SORCS2: variants seen among roughly 807,000 people sequenced by gnomAD.
SORCS2 encodes the protein sortilin related VPS10 domain containing receptor 2, also known as VPS10 domain-containing receptor SorCS2.
SORCS2 carries 100 observed loss-of-function variants against 141.6 expected under a neutral mutation model. That is an observed-to-expected ratio of 0.71 (90% confidence interval 0.60 to 0.83). The LOEUF (loss-of-function observed/expected upper bound fraction) is 0.83, where lower values mean the gene tolerates loss of function less well. SORCS2 is among the 40% of genes least tolerant of loss of function. The pLI, the probability that SORCS2 is intolerant of heterozygous loss-of-function variation, is 0.00. For synonymous variants in SORCS2, 789 were observed against 676.9 expected (o/e 1.17, Z -2.57); for missense variants, 1,646 against 1,560.2 (o/e 1.05, Z -0.93).
At chr4:7,632,551 G>A (rs933948247) in intron 3 of SORCS2, among the ~76,000 whole-genome samples, 11 of 152,114 alleles carry the variant, frequency 7.2e-5, no homozygotes, top group African/African-American at 2.7e-4. Context: ...CAGATTGCTG[G>A]GCCCCAGGTT....
intron 1 of SORCS2, among the ~76,000 whole-genome samples, chr4:7,312,945 G>A (rs1718284846): frequency 1.3e-5 from 2 of 152,248 alleles, no homozygotes; most frequent in Non-Finnish European, 1.5e-5. Context: ...GCTGAGCAGC[G>A]ACTGTCCTGA....
At chr4:7,630,521 C>T (rs1373448285) in intron 3 of SORCS2, among the ~76,000 whole-genome samples, 2 of 152,212 alleles carry the variant, frequency 1.3e-5, no homozygotes, top group Non-Finnish European at 2.9e-5. Flanking sequence ...GACTCTGTAT[C>T]CTGGGACCTC....
intron 10 of SORCS2, among the ~76,000 whole-genome samples, chr4:7,687,444 A>G (rs763337770): frequency 2.0e-5 from 3 of 152,182 alleles, no homozygotes; most frequent in Non-Finnish European, 4.4e-5. Flanking sequence ...AATCTATTGC[A>G]GCGGGCAACG....
At chr4:7,409,352 G>C (rs112095383) in intron 2 of SORCS2, among the ~76,000 whole-genome samples, 13 of 152,274 alleles carry the variant, frequency 8.5e-5, no homozygotes, top group African/African-American at 2.6e-4. Flanking sequence ...GGTAGTGTGG[G>C]GATGGCAGCC....
chr4:7,723,691 C>G lies in SORCS2; in HGVS notation c.2425-6C>G, dbSNP rs760752546. 5 of 1,613,748 alleles carry G rather than the reference C, an allele frequency of 3.1e-6. No homozygotes were observed. In the East Asian group the frequency reaches 1.1e-4, roughly 36 times the overall value. ...TCCTGAGTGGCCACATGGTGTTTCT[C>G]TGCAGGGTGATGTCCTGACTACCAA... On this transcript the variant is annotated splice_polypyrimidine_tract_variant and splice_region_variant and intron_variant, in intron 18 of 26. Transcript: ENST00000507866.
At chr4:7,285,089 G>A (rs994184282) in intron 1 of SORCS2, among the ~76,000 whole-genome samples, 7 of 151,150 alleles carry the variant, frequency 4.6e-5, no homozygotes, top group African/African-American at 7.3e-5. Context: ...CTCGAGTGCA[G>A]TGGCATGATC....
intron 2 of SORCS2, among the ~76,000 whole-genome samples, chr4:7,467,581 G>C (rs1729699944): frequency 6.6e-6 from 1 of 152,202 alleles, no homozygotes; most frequent in Non-Finnish European, 1.5e-5. Context: ...CCACTTGGAG[G>C]CTGCCTGCTG....
At position 7,638,308 on chromosome 4, in the gene SORCS2, CA is replaced by C; in HGVS notation, c.649-18del. ...AGAGGGGCACCTGGCCCAGGCCTCA[CA>C]ACCCGCTTTGTGTTTCAGGTCATCC... On this transcript the variant is annotated intron_variant, in intron 3 of 26. Transcript: ENST00000507866. 1 of 1,497,492 alleles carries C rather than the reference CA, an allele frequency of 6.7e-7. No homozygotes were observed. Among genetic ancestry groups the C allele is most frequent in the Non-Finnish European group, 8.9e-7 (1 of 1,127,976 alleles). The allele number at this position is 1,497,492 out of a possible 1,614,324, so 92.8% of individuals were successfully genotyped here. A position where few individuals can be genotyped will look rare whatever the true frequency, so the allele number is the denominator to read the frequency against.
At chr4:7,292,714 G>T (rs3846425) in intron 1 of SORCS2, among the ~76,000 whole-genome samples, 43,872 of 152,054 alleles carry the variant, frequency 0.29, 7,330 homozygotes, top group South Asian at 0.45. Context: ...CTAGAGTCAG[G>T]CAGGGCAGGG....
intron 2 of SORCS2, among the ~76,000 whole-genome samples, chr4:7,507,163 A>C (rs1223179394): frequency 8.7e-6 from 1 of 115,266 alleles, no homozygotes; most frequent in African/African-American, 4.1e-5. Context: ...AAAGTGGATA[A>C]ATTCTTTTTT....
intron 1 of SORCS2, among the ~76,000 whole-genome samples, chr4:7,350,180 ACT>A (rs1306805687): frequency 6.6e-6 from 1 of 152,122 alleles, no homozygotes; most frequent in African/African-American, 2.4e-5. Flanking sequence ...TGCGGAACCC[ACT>A]CTGTGCGAAT....
chr4:7,271,640 T>G (rs1224733052), intron 1 of SORCS2, among the ~76,000 whole-genome samples: 21 of 152,238 alleles, frequency 1.4e-4, no homozygotes, highest in Admixed American at 1.4e-3. Flanking sequence ...ATCTTGTGGC[T>G]CCCGTCTGCC....
chr4:7,313,193 G>A (rs1299649512), intron 1 of SORCS2, among the ~76,000 whole-genome samples: 2 of 152,258 alleles, frequency 1.3e-5, no homozygotes, highest in Non-Finnish European at 1.5e-5. Context: ...GTGCACCAAC[G>A]TGTAGGAAAG....
chr4:7,587,864 A>T (rs1235937061), intron 3 of SORCS2, among the ~76,000 whole-genome samples: 1 of 152,166 alleles, frequency 6.6e-6, no homozygotes, highest in Non-Finnish European at 1.5e-5. Context: ...CCATCCAGGG[A>T]ATTTGTTTTT....
chr4:7,466,191 T>C (rs1269154177), intron 2 of SORCS2, among the ~76,000 whole-genome samples: 15 of 152,216 alleles, frequency 9.9e-5, no homozygotes, highest in Non-Finnish European at 1.5e-5. Flanking sequence ...CTCAGTCTGA[T>C]GAGAACTTCA....
In SORCS2 at chr4:7,694,462, G is replaced by T. The variant is rs1341452431; in HGVS notation, c.1592-2736G>T. Among the ~76,000 whole-genome samples the T allele has an allele frequency of 2.0e-5, 3 of 151,518 alleles. No individual in the cohort carries two copies. The East Asian group carries it at 5.9e-4, about 30-fold the overall frequency. On this transcript the variant is annotated intron_variant, in intron 11 of 26. Transcript: ENST00000507866. Reference sequence around the variant, plus strand: ...AGGTGACAGGCAGCCTGACAGCTTTGGTAGACAGAGCAAGGAAAACAGATA... The same window carrying T: ...AGGTGACAGGCAGCCTGACAGCTTTTGTAGACAGAGCAAGGAAAACAGATA...
At chr4:7,242,465 A>G (rs1431647339) in intron 1 of SORCS2, among the ~76,000 whole-genome samples, 1 of 151,976 alleles carries the variant, frequency 6.6e-6, no homozygotes, top group Non-Finnish European at 1.5e-5. Flanking sequence ...CGGCCTCCCA[A>G]AGTGCTGGGA....
chr4:7,697,315 C>A (rs74567113), intron 12 of SORCS2, 41 bp downstream of exon 12: 15 of 1,504,940 alleles, frequency 1.0e-5, no homozygotes, highest in Non-Finnish European at 1.2e-5. Flanking sequence ...CCACCCCATC[C>A]AGCCGGGACC....
At chr4:7,337,655 G>A (rs746830294) in intron 1 of SORCS2, among the ~76,000 whole-genome samples, 19 of 152,132 alleles carry the variant, frequency 1.2e-4, no homozygotes, top group Non-Finnish European at 2.5e-4. Flanking sequence ...AAGCCAGGGA[G>A]AGCTCTACAC....
Sources: gnomAD v4.1 joint callset for allele counts (sites outside exome capture counted in the v4.1 genomes callset) on GRCh38, gnomAD v4.1.1 for gene constraint, MANE v1.5 for transcripts, NCBI Gene and HGNC (gene_info 2026-07-23, HGNC 2026-07-21) for gene names.